BABAM2: variants seen among roughly 807,000 people sequenced by gnomAD.
BABAM2 encodes BRISC and BRCA1-A complex member 2.
BABAM2 carries 31 observed loss-of-function variants against 54.7 expected under a neutral mutation model. The observed-to-expected ratio is 0.57, with a 90% CI of 0.43 to 0.77. BABAM2 has a LOEUF of 0.77. Among genes scored for constraint, BABAM2 ranks in the 30% least tolerant of loss-of-function variants. The probability of loss-of-function intolerance (pLI) is 0.00; values close to 1 mark genes in which losing one functional copy is unlikely to be tolerated. For synonymous variants in BABAM2, 167 were observed against 162.9 expected, an observed-to-expected ratio of 1.03 and a Z score of -0.19; for missense variants, 364 against 455.8, an observed-to-expected ratio of 0.80 and a Z score of 1.83.
chr2:27,980,255 T>G (rs1419834109), intron 3 of BABAM2, among the ~76,000 whole-genome samples: 1 of 152,196 alleles, frequency 6.6e-6, no homozygotes, highest in African/African-American at 2.4e-5. Context: ...TTATGAAAAG[T>G]TGGAGTAAGC....
chr2:27,949,967 C>G (rs915957923), intron 3 of BABAM2, among the ~76,000 whole-genome samples: 17 of 152,102 alleles, frequency 1.1e-4, no homozygotes, highest in African/African-American at 4.1e-4. Context: ...CCACCTTTTT[C>G]AGGACTGTAC....
At chr2:27,943,492 G>A (rs1669079407) in intron 3 of BABAM2, among the ~76,000 whole-genome samples, 2 of 152,278 alleles carry the variant, frequency 1.3e-5, no homozygotes, top group South Asian at 2.1e-4. Flanking sequence ...TAATAAAATA[G>A]CCTGTCTTGT....
chr2:28,241,216 G>GT, intron 8 of BABAM2, 107 bp from the exon 9 acceptor site: 1 of 1,036,378 alleles, frequency 9.6e-7, no homozygotes, highest in East Asian at 2.6e-5. Flanking sequence ...GGGAATACCG[G>GT]TGTTCACTTT....
At chr2:28,080,623 A>C (rs1445522104) in intron 6 of BABAM2, among the ~76,000 whole-genome samples, 1 of 152,198 alleles carries the variant, frequency 6.6e-6, no homozygotes, top group East Asian at 1.9e-4. Context: ...GAAGAGACCA[A>C]TCTGTGCCTG....
chr2:28,307,403 G>GTT (rs531852080), intron 11 of BABAM2, among the ~76,000 whole-genome samples: 2 of 142,450 alleles, frequency 1.4e-5, no homozygotes, highest in Admixed American at 7.0e-5. Flanking sequence ...TTTGGTTTGG[G>GTT]TTTTTTTTTT....
chr2:28,282,795 C>T lies in BABAM2; in HGVS notation c.935-15543C>T, dbSNP rs188230058. On this transcript the variant is annotated intron_variant, in intron 10 of 11. Transcript: ENST00000379624. ...TGGGCGAATCACGAGGTCAGGAGTT[C>T]AAGACCAGCCTCGCCAACATGGTGA... Among the ~76,000 whole-genome samples the T allele has an allele frequency of 6.9e-3, 1,044 of 151,962 alleles. 13 individuals carry two copies. Among genetic ancestry groups the T allele is most frequent in the South Asian group, 0.048 (228 of 4,792 alleles).
At chr2:27,928,915 T>TAA (rs1008932898) in intron 2 of BABAM2, among the ~76,000 whole-genome samples, 2 of 141,226 alleles carry the variant, frequency 1.4e-5, no homozygotes. Flanking sequence ...AATAATAGAT[T>TAA]AAAAAAAAAA....
intron 5 of BABAM2, among the ~76,000 whole-genome samples, chr2:28,043,202 C>T (rs7580274): frequency 0.65 from 97,830 of 149,424 alleles, 33,678 homozygotes; most frequent in Middle Eastern, 0.8. Context: ...GATCTTGGCA[C>T]ATTGCAACCT....
At chr2:27,960,352 T>C (rs950178342) in intron 3 of BABAM2, among the ~76,000 whole-genome samples, 1 of 152,166 alleles carries the variant, frequency 6.6e-6, no homozygotes, top group African/African-American at 2.4e-5. Flanking sequence ...TGTGTGCAAG[T>C]TTGATTCTGC....
At chr2:27,942,061 A>G (rs545533482) in intron 3 of BABAM2, among the ~76,000 whole-genome samples, 2 of 152,022 alleles carry the variant, frequency 1.3e-5, no homozygotes, top group African/African-American at 2.4e-5. Flanking sequence ...TGTGTGTTTT[A>G]ACACAGTGCT....
intron 10 of BABAM2, among the ~76,000 whole-genome samples, chr2:28,266,811 G>T (rs767950545): frequency 3.5e-4 from 53 of 152,312 alleles, no homozygotes; most frequent in Non-Finnish European, 6.3e-4. Flanking sequence ...TTTCATGGTT[G>T]TTAAAACTTT....
chr2:28,131,070 A>ATTTT (rs757511616), intron 7 of BABAM2, among the ~76,000 whole-genome samples: 151 of 6,930 alleles, frequency 0.022, 29 homozygotes, highest in Non-Finnish European at 0.044. Flanking sequence ...TATTATTATT[A>ATTTT]TTATTATTAT....
chr2:28,254,837 G>A (rs1057063736), intron 10 of BABAM2, among the ~76,000 whole-genome samples: 4 of 150,950 alleles, frequency 2.6e-5, no homozygotes, highest in African/African-American at 9.8e-5. Flanking sequence ...GGACTCAAGG[G>A]ACCCTCCCAC....
chr2:28,016,374 A>T, intron 4 of BABAM2: 2 of 1,363,824 alleles, frequency 1.5e-6, no homozygotes, highest in South Asian at 2.3e-5. Context: ...GTAGGCCTTG[A>T]TCGATTCAGA....
intron 7 of BABAM2, among the ~76,000 whole-genome samples, chr2:28,164,293 C>T (rs1011951587): frequency 1.3e-5 from 2 of 152,064 alleles, no homozygotes; most frequent in Non-Finnish European, 2.9e-5. Flanking sequence ...CAAACACAAC[C>T]GAATGAGAGT....
rs556761654 is a variant in BABAM2 at position 27,968,020 on chromosome 2, C to T, written c.206-19973C>T. On this transcript the variant is annotated intron_variant, in intron 3 of 11. Transcript: ENST00000379624. ...CTGACAATGTGATAGAAAAAAATCC[C>T]ATATTCTGAAGAGAAAATTCAAGCT... Among the ~76,000 whole-genome samples the T allele has an allele frequency of 2.6e-5, 4 of 152,314 alleles. No homozygotes were observed. The East Asian group carries it at 7.7e-4, about 29-fold the overall frequency.
chr2:28,302,887 C>T (rs1378042717), intron 11 of BABAM2, among the ~76,000 whole-genome samples: 1 of 152,118 alleles, frequency 6.6e-6, no homozygotes, highest in Admixed American at 6.5e-5. Context: ...AATGTCTGTT[C>T]AAATCTTGCC....
chr2:27,998,780 C>T (rs369266120), intron 4 of BABAM2, among the ~76,000 whole-genome samples: 6 of 152,066 alleles, frequency 3.9e-5, no homozygotes, highest in East Asian at 3.9e-4. Context: ...GCTATTAATT[C>T]GTTATTTTAA....
At chr2:27,902,112 T>C (rs1289976155) in intron 2 of BABAM2, among the ~76,000 whole-genome samples, 1 of 152,204 alleles carries the variant, frequency 6.6e-6, no homozygotes, top group Non-Finnish European at 1.5e-5. Flanking sequence ...ATTATTTTTT[T>C]GACAAAGAAT....
Sources: allele counts gnomAD v4.1 joint callset (sites outside exome capture counted in the v4.1 genomes callset), GRCh38; gene constraint gnomAD v4.1.1; transcripts MANE v1.5; gene names NCBI Gene and HGNC (gene_info 2026-07-23, HGNC 2026-07-21).